Variants in GLT1D1 observed in about 807,000 individuals in gnomAD.
The protein encoded by GLT1D1 is glycosyltransferase 1 domain containing 1.
A neutral mutation model predicts 28.7 loss-of-function variants in GLT1D1; 21 were observed. The observed-to-expected ratio is 0.73, with a 90% CI of 0.52 to 1.05. GLT1D1 has a LOEUF of 1.05. Among genes scored for constraint, GLT1D1 ranks in the 50% least tolerant of loss-of-function variants. GLT1D1 has a pLI of 0.00. For synonymous variants in GLT1D1, 147 were observed against 124.8 expected (o/e 1.18, Z -1.19); for missense variants, 343 against 330.6 (o/e 1.04, Z -0.29).
chr12:128,926,550 T>C, intron 4 of GLT1D1, 96 bp downstream of exon 7: 2 of 656,362 alleles, frequency 3.0e-6, no homozygotes, highest in Non-Finnish European at 5.4e-6. Flanking sequence ...TTTTCTTTCC[T>C]CATTCTTTGC....
chr12:128,937,780 C>T lies in GLT1D1; in HGVS notation c.376-7546C>T, dbSNP rs368198363. ...ATAAGGGGCTTCCCCCTTCACTCTG[C>T]ACTTCTCCTTGCTGCTGCCATGTGA... On this transcript the variant is annotated intron_variant, in intron 4 of 7. Transcript: ENST00000281703. 4.7e-4 allele frequency among the ~76,000 whole-genome samples: 71 copies of T among 152,292 alleles called. 1 individual carries two copies. The South Asian group carries it at 0.014, about 31-fold the overall frequency.
intron 4 of GLT1D1, among the ~76,000 whole-genome samples, chr12:128,903,584 G>A (rs546765790): frequency 2.0e-5 from 3 of 151,736 alleles, no homozygotes; most frequent in Non-Finnish European, 2.9e-5. Flanking sequence ...TGCTTCTCAA[G>A]TGGTGAGCTT....
intron 4 of GLT1D1, among the ~76,000 whole-genome samples, chr12:128,914,359 G>A (rs1017337870): frequency 2.5e-4 from 38 of 152,178 alleles, no homozygotes; most frequent in Non-Finnish European, 1.2e-4. Flanking sequence ...CCCTAACCCC[G>A]TTTGGGCCTG....
chr12:128,945,460 A>G (rs1875947547), intron 5 of GLT1D1, 91 bp downstream of exon 9: 1 of 1,048,416 alleles, frequency 9.5e-7, no homozygotes, highest in Non-Finnish European at 1.5e-6. Context: ...AGTCCCAGGC[A>G]CTATTCCAAG....
intron 4 of GLT1D1, among the ~76,000 whole-genome samples, chr12:128,900,268 ATCAT>A (rs1401309498): frequency 6.6e-6 from 1 of 152,230 alleles, no homozygotes; most frequent in Non-Finnish European, 1.5e-5. Flanking sequence ...GCATGCCCTG[ATCAT>A]TTGCAGGCGT....
chr12:128,908,327 T>C (rs914467107), intron 4 of GLT1D1, among the ~76,000 whole-genome samples: 3 of 141,002 alleles, frequency 2.1e-5, no homozygotes, highest in Admixed American at 7.3e-5. Flanking sequence ...ACTTTCCTTC[T>C]TTCTTTCTTT....
intron 2 of GLT1D1, among the ~76,000 whole-genome samples, chr12:128,885,208 A>G (rs1957149157): frequency 6.6e-6 from 1 of 152,030 alleles, no homozygotes; most frequent in Non-Finnish European, 1.5e-5. Flanking sequence ...TTCAATTGTA[A>G]TCATGGGTGA....
chr12:128,956,158 C>CAAAAAAAAAAAAAAAAAAAAAAAAAAAA lies in GLT1D1; in HGVS notation c.541-1373_541-1372insAAAAAAAAAAAAAAAAAAAAAAAAAAAA, dbSNP rs1555219265. Among the ~76,000 whole-genome samples the CAAAAAAAAAAAAAAAAAAAAAAAAAAAA allele has an allele frequency of 4.0e-4, 3 of 7,466 alleles. 1 individual carries two copies. The highest frequency in any genetic ancestry group is 1.2e-3 in the African/African-American group (3 of 2,566). The allele number at this position is 7,466 out of a possible 152,430, so 4.9% of individuals were successfully genotyped here. A position where few individuals can be genotyped will look rare whatever the true frequency, so the allele number is the denominator to read the frequency against. On this transcript the variant is annotated intron_variant, in intron 6 of 7. Coordinates refer to ENST00000281703, the MANE Select transcript of GLT1D1 (RefSeq NM_144669.3). Reference sequence around the variant, plus strand: ...TGGGTGACAGAGCGAGACTCCATCTCAAAAAAAAAAAAAAGAGAAAGAGAG... The same window carrying CAAAAAAAAAAAAAAAAAAAAAAAAAAAA: ...TGGGTGACAGAGCGAGACTCCATCTCAAAAAAAAAAAAAAAAAAAAAAAAAAAAAAAAAAAAAAAAAAGAGAAAGAGAG...
At chr12:128,978,242 C>G (rs556095404) in intron 7 of GLT1D1, among the ~76,000 whole-genome samples, 5 of 152,136 alleles carry the variant, frequency 3.3e-5, no homozygotes, top group African/African-American at 1.2e-4. Flanking sequence ...TGTGTGAAAC[C>G]TGCAGCACCT....
rs201184250 is a variant in GLT1D1 at position 128,983,078 on chromosome 12, C to T, written c.789C>T (p.Ser263=). Residue 263 remains serine (S), a synonymous_variant, in exon 8 of 8, where the codon AGC becomes AGT. Coordinates refer to ENST00000281703, the MANE Select transcript of GLT1D1 (RefSeq NM_144669.3). This position sits in a 1 kb window ranked among gnomAD's most constrained non-coding sequence, Gnocchi z 4.7. ...AGCTCATCAGGAAGCTGGAAGGAAGCACTGAAGATTGAGGGCCCCGCCTCA... is the reference window on the plus strand; with the variant it reads ...AGCTCATCAGGAAGCTGGAAGGAAGTACTGAAGATTGAGGGCCCCGCCTCA... 31 of 1,613,928 alleles carry T rather than the reference C, an allele frequency of 1.9e-5. No individual in the cohort carries two copies. The highest frequency in any genetic ancestry group is 2.5e-5 in the Non-Finnish European group (29 of 1,179,948).
chr12:128,962,612 C>G (rs1878079022), intron 7 of GLT1D1, among the ~76,000 whole-genome samples: 1 of 152,156 alleles, frequency 6.6e-6, no homozygotes, highest in Non-Finnish European at 1.5e-5. Context: ...AGACATACAG[C>G]CCTTGCTGCT....
intron 1 of GLT1D1, among the ~76,000 whole-genome samples, chr12:128,875,600 C>A (rs2135796448): frequency 6.6e-6 from 1 of 152,242 alleles, no homozygotes; most frequent in Admixed American, 6.5e-5. Flanking sequence ...AGTTTGAGAC[C>A]AGCTTGGCCA....
intron 4 of GLT1D1, among the ~76,000 whole-genome samples, chr12:128,906,021 G>C (rs1297299294): frequency 7.0e-6 from 1 of 141,902 alleles, no homozygotes. Context: ...TTTTTTTTTT[G>C]TGGAGATAAG....
At chr12:128,884,238 C>T (rs1036471220) in intron 2 of GLT1D1, among the ~76,000 whole-genome samples, 1 of 152,060 alleles carries the variant, frequency 6.6e-6, no homozygotes, top group African/African-American at 2.4e-5. Context: ...GATATTCTGT[C>T]GTTTGTAACA....
At chr12:128,912,587 G>A (rs11060013) in intron 4 of GLT1D1, 127 bp downstream of exon 5, 116,120 of 362,872 alleles carry the variant, frequency 0.32, 20,828 homozygotes, top group Admixed American at 0.45. Context: ...ATCCTTAAGA[G>A]ACACATATTG....
intron 4 of GLT1D1, 81 bp from the exon 5 acceptor site, chr12:128,912,343 G>C: frequency 1.1e-5 from 9 of 850,846 alleles, no homozygotes; most frequent in Non-Finnish European, 1.6e-5. Flanking sequence ...TTTTGTTAAT[G>C]ACCTTCATTT....
intron 2 of GLT1D1, among the ~76,000 whole-genome samples, chr12:128,886,374 C>T (rs1007028476): frequency 3.3e-5 from 5 of 152,158 alleles, no homozygotes; most frequent in African/African-American, 1.2e-4. Flanking sequence ...ATCACCTGAC[C>T]TCCAGTTCTG....
At chr12:128,944,898 T>A (rs1027455001) in intron 4 of GLT1D1, 11 of 437,712 alleles carry the variant, frequency 2.5e-5, no homozygotes, top group African/African-American at 4.0e-5. Flanking sequence ...GCTGCACCCA[T>A]CAACTCGTCA....
intron 4 of GLT1D1, among the ~76,000 whole-genome samples, chr12:128,923,154 A>T (rs895011210): frequency 1.3e-5 from 2 of 152,166 alleles, no homozygotes; most frequent in African/African-American, 4.8e-5. Context: ...GCCATAAGTC[A>T]TTATATTCAC....
Sources: gnomAD v4.1 joint callset for allele counts (sites outside exome capture counted in the v4.1 genomes callset) on GRCh38, gnomAD v4.1.1 for gene constraint, Gnocchi (gnomAD v3.1) non-coding constraint, MANE v1.5 for transcripts, NCBI Gene and HGNC (gene_info 2026-07-23, HGNC 2026-07-21) for gene names.